Variants in MACF1 observed in about 807,000 individuals in gnomAD.
The protein encoded by MACF1 is microtubule actin crosslinking factor 1.
A neutral mutation model predicts 854.8 loss-of-function variants in MACF1; 193 were observed. The observed-to-expected ratio is 0.23, with a 90% CI of 0.20 to 0.25. The LOEUF is 0.25. MACF1 is among the 10% of genes least tolerant of loss of function. The probability of loss-of-function intolerance (pLI) is 1.00; values close to 1 mark genes in which losing one functional copy is unlikely to be tolerated. For missense variants in MACF1, 7,722 were observed against 8,929.1 expected, an observed-to-expected ratio of 0.86 and a Z score of 5.45; for synonymous variants, 3,185 against 3,226.7, an observed-to-expected ratio of 0.99 and a Z score of 0.44.
intron 2 of MACF1, among the ~76,000 whole-genome samples, chr1:39,168,305 T>G (rs962454921): frequency 6.6e-6 from 1 of 152,228 alleles, no homozygotes; most frequent in Non-Finnish European, 1.5e-5. Flanking sequence ...TATTCTCTTC[T>G]TTTACCTTCA....
At chr1:39,397,421 G>T (rs1642314968) in intron 58 of MACF1, among the ~76,000 whole-genome samples, 1 of 152,092 alleles carries the variant, frequency 6.6e-6, no homozygotes, top group African/African-American at 2.4e-5. Flanking sequence ...AATTAGCCGG[G>T]CGTGGTGGCG....
chr1:39,271,505 A>G (rs1363328254), intron 6 of MACF1, among the ~76,000 whole-genome samples: 1 of 152,218 alleles, frequency 6.6e-6, no homozygotes, highest in African/African-American at 2.4e-5. Context: ...ATTAGGGATT[A>G]CAATTCAACA....
chr1:39,443,000 C>A, intron 78 of MACF1, 89 bp downstream of exon 78: 2 of 1,289,562 alleles, frequency 1.6e-6, no homozygotes, highest in Non-Finnish European at 2.2e-6. Flanking sequence ...ATTTGAAAAG[C>A]AAAGAATCCC....
At chr1:39,186,184 C>A (rs910297297) in intron 2 of MACF1, among the ~76,000 whole-genome samples, 7 of 111,330 alleles carry the variant, frequency 6.3e-5, no homozygotes, top group Non-Finnish European at 9.1e-5. Context: ...CTCTCTCTCT[C>A]TCTCTCTCTC....
chr1:39,311,177 C>T (rs1450200596), intron 26 of MACF1, among the ~76,000 whole-genome samples, 177 bp downstream of exon 26: 1 of 152,206 alleles, frequency 6.6e-6, no homozygotes, highest in Non-Finnish European at 1.5e-5. Flanking sequence ...ATTTCAGCTC[C>T]ATGTGTATTG....
intron 2 of MACF1, among the ~76,000 whole-genome samples, chr1:39,235,002 G>A (rs1644842526): frequency 6.6e-6 from 1 of 151,884 alleles, no homozygotes; most frequent in African/African-American, 2.4e-5. Context: ...GCCGGGCGGA[G>A]ACGCTCCTCA....
intron 21 of MACF1, among the ~76,000 whole-genome samples, chr1:39,297,948 G>T (rs1213431630): frequency 6.6e-6 from 1 of 151,984 alleles, no homozygotes; most frequent in African/African-American, 2.4e-5. Flanking sequence ...TTGCTAATAA[G>T]ATTTCTTTGG....
intron 1 of MACF1, among the ~76,000 whole-genome samples, chr1:39,226,633 C>G (rs975436839): frequency 6.6e-6 from 1 of 152,124 alleles, no homozygotes; most frequent in African/African-American, 2.4e-5. Flanking sequence ...GCCACCGCGC[C>G]TGGCCTATGG....
Position 39,123,870 on chromosome 1 carries a change from G to A in MACF1, c.220+39432G>A, listed in dbSNP as rs575987068. On this transcript the variant is annotated intron_variant, in intron 2 of 93. Transcript: ENST00000361689. ...TCCTGAGTAGCTGGGGATTATAGGC[G>A]CATGCTACCATGCCTGGCTAATTTT... Among the ~76,000 whole-genome samples the A allele has an allele frequency of 7.3e-5, 11 of 151,696 alleles. No homozygotes were observed. In the East Asian group the frequency reaches 1.7e-3, roughly 24 times the overall value.
At chr1:39,476,275 A>T (rs542703597) in intron 97 of MACF1, among the ~76,000 whole-genome samples, 1 of 152,282 alleles carries the variant, frequency 6.6e-6, no homozygotes, top group East Asian at 1.9e-4. Flanking sequence ...ATCTACATGT[A>T]GATATTTATC....
At chr1:39,477,999 A>ATTTTTT (rs36028217) in intron 97 of MACF1, among the ~76,000 whole-genome samples, 21 of 101,856 alleles carry the variant, frequency 2.1e-4, no homozygotes, top group African/African-American at 5.6e-4. Flanking sequence ...TCAGAAGTGA[A>ATTTTTT]TTTTTTTTTT....
In MACF1 at chr1:39,332,702, G is replaced by A. The variant is rs1216422084; in HGVS notation, c.6114G>A (p.Arg2038=). The A allele has an allele frequency of 6.2e-7, 1 of 1,614,060 alleles. No individual in the cohort carries two copies. Among genetic ancestry groups the A allele is most frequent in the African/African-American group, 1.3e-5 (1 of 74,922 alleles). Residue 2038 remains arginine, a synonymous_variant, in exon 37 of 101, where the codon AGG becomes AGA. Coordinates refer to ENST00000564288, the MANE Select transcript of MACF1 (RefSeq NM_001394062.1). ...SGTFSSGWTV[R]LPEFQFSSQN... is the part of the protein sequence containing the mutation. ...CTTTCAGCAGTGGGTGGACTGTGAG[G>A]CTGCCTGAGTTCCAGTTTTCTTCTC...
At chr1:39,256,099 T>C (rs1363061660) in intron 5 of MACF1, among the ~76,000 whole-genome samples, 1 of 152,142 alleles carries the variant, frequency 6.6e-6, no homozygotes, top group Admixed American at 6.5e-5. Context: ...TAGTGTAATA[T>C]TTGGGATATC....
At chr1:39,322,024 A>G (rs1311237647) in intron 31 of MACF1, among the ~76,000 whole-genome samples, 1 of 152,222 alleles carries the variant, frequency 6.6e-6, no homozygotes, top group Non-Finnish European at 1.5e-5. Flanking sequence ...CTAGAGCAGA[A>G]CTTGCAGGGT....
Position 39,251,835 on chromosome 1 carries a change from G to A in MACF1, c.262-11G>A. The A allele has an allele frequency of 2.9e-6, 4 of 1,371,136 alleles. No homozygotes were observed. The highest frequency in any genetic ancestry group is 3.8e-6 in the Non-Finnish European group (4 of 1,056,254). The allele number at this position is 1,371,136 out of a possible 1,614,324, so 84.9% of individuals were successfully genotyped here. On this transcript the variant is annotated splice_polypyrimidine_tract_variant and intron_variant, in intron 3 of 100. Coordinates refer to ENST00000564288, the MANE Select transcript of MACF1 (RefSeq NM_001394062.1). ...CCTCTATTGTGTCTTTGCCTTGGTTGGTGGCCAAAGGAGCCAGCAGGGCTG... is the reference window on the plus strand; with the variant it reads ...CCTCTATTGTGTCTTTGCCTTGGTTAGTGGCCAAAGGAGCCAGCAGGGCTG...
At chr1:39,235,639 G>C (rs182652927) in intron 2 of MACF1, among the ~76,000 whole-genome samples, 5 of 152,316 alleles carry the variant, frequency 3.3e-5, no homozygotes, top group African/African-American at 9.6e-5. Context: ...CAGGGCCTCT[G>C]TGTCTGTTGC....
chr1:39,127,642 G>A (rs1388580545), intron 2 of MACF1, among the ~76,000 whole-genome samples: 2 of 152,174 alleles, frequency 1.3e-5, no homozygotes, highest in East Asian at 1.9e-4. Flanking sequence ...GAATAGAACT[G>A]TTTGGCTTGA....
rs568869422 is a variant in MACF1, at chr1:39,315,957, C to A, written c.3449+266C>A. On this transcript the variant is annotated intron_variant, in intron 27 of 100. Coordinates refer to ENST00000564288, the MANE Select transcript of MACF1 (RefSeq NM_001394062.1). Reference sequence around the variant, plus strand: ...CTCACTTCTGTTTGATTAAATATTTCTGAAAATAATACTTAATGGCATAAA... The same window carrying A: ...CTCACTTCTGTTTGATTAAATATTTATGAAAATAATACTTAATGGCATAAA... 3.4e-4 allele frequency among the ~76,000 whole-genome samples: 52 copies of A among 152,268 alleles called. No homozygotes were observed. The South Asian group carries it at 0.01, about 30-fold the overall frequency.
intron 36 of MACF1, among the ~76,000 whole-genome samples, chr1:39,329,215 G>A (rs1278766676): frequency 6.6e-6 from 1 of 152,182 alleles, no homozygotes; most frequent in African/African-American, 2.4e-5. Flanking sequence ...TTTAAATAGT[G>A]TAGAGAAGTC....
Sources: allele counts gnomAD v4.1 joint callset (sites outside exome capture counted in the v4.1 genomes callset), GRCh38; gene constraint gnomAD v4.1.1; transcripts MANE v1.5; gene names NCBI Gene and HGNC (gene_info 2026-07-23, HGNC 2026-07-21).